GSG1L: variants seen among roughly 807,000 people sequenced by gnomAD.
GSG1L encodes the protein germ cell-specific gene 1-like protein.
GSG1L carries 24 observed loss-of-function variants against 42.1 expected under a neutral mutation model. The ratio of observed to expected loss-of-function variants is 0.57; its 90% CI spans 0.41 to 0.80. The LOEUF (loss-of-function observed/expected upper bound fraction) is 0.80. Ranked by LOEUF, GSG1L falls within the 30% of genes least tolerant of loss-of-function variation. GSG1L has a pLI of 0.00. For synonymous variants in GSG1L, 215 were observed against 203.5 expected (o/e 1.06, Z -0.48); for missense variants, 445 against 472.2 (o/e 0.94, Z 0.53).
chr16:27,933,430 T>G (rs766789373), intron 2 of GSG1L, among the ~76,000 whole-genome samples: 5 of 151,922 alleles, frequency 3.3e-5, no homozygotes, highest in Admixed American at 6.6e-5. Flanking sequence ...GGGGTTTGCT[T>G]GGGGCCAGGA....
intron 2 of GSG1L, among the ~76,000 whole-genome samples, chr16:27,923,353 C>T (rs763047325): frequency 6.6e-6 from 1 of 152,176 alleles, no homozygotes; most frequent in African/African-American, 2.4e-5. Flanking sequence ...AGCCCAAACA[C>T]CTTTTGTCAA....
At chr16:27,859,708 C>A (rs2083619819) in intron 3 of GSG1L, among the ~76,000 whole-genome samples, 1 of 152,258 alleles carries the variant, frequency 6.6e-6, no homozygotes, top group Admixed American at 6.5e-5. Context: ...TAGAGTCTCA[C>A]CCTGTCACCC....
intron 3 of GSG1L, among the ~76,000 whole-genome samples, chr16:27,850,931 G>A (rs566928679): frequency 1.4e-4 from 21 of 151,974 alleles, no homozygotes; most frequent in Non-Finnish European, 2.6e-4. Context: ...ATGAGCCACC[G>A]GGAGATAGAG....
At chr16:28,009,111 A>G (rs905925781) in intron 1 of GSG1L, among the ~76,000 whole-genome samples, 1 of 152,086 alleles carries the variant, frequency 6.6e-6, no homozygotes, top group South Asian at 2.1e-4. Flanking sequence ...GCTTGGCCAC[A>G]TCAGTACTGT....
chr16:27,806,585 G>T lies in GSG1L; in HGVS notation c.898+902C>A, dbSNP rs989712833. ...CAGGGGGATCCCACTCCAGGGTGAG[G>T]GAGCTGGGGTATCTATACACCAACT... On this transcript the variant is annotated intron_variant, in intron 6 of 6. Coordinates refer to ENST00000447459, the MANE Select transcript of GSG1L (RefSeq NM_001109763.2). 2.0e-5 allele frequency among the ~76,000 whole-genome samples: 3 copies of T among 152,310 alleles called. No homozygotes were observed. The South Asian group carries it at 6.2e-4, about 32-fold the overall frequency.
chr16:27,823,981 A>C, intron 5 of GSG1L: 1 of 702,156 alleles, frequency 1.4e-6, no homozygotes, highest in Non-Finnish European at 2.6e-6. Flanking sequence ...ACTGAGTCAC[A>C]TCTGAGGTAT....
chr16:27,791,876 A>C (rs1159877611), intron 6 of GSG1L, among the ~76,000 whole-genome samples: 3 of 151,342 alleles, frequency 2.0e-5, no homozygotes, highest in Admixed American at 6.6e-5. Context: ...TCCTCCTACC[A>C]CCCAATAACA....
intron 2 of GSG1L, among the ~76,000 whole-genome samples, chr16:27,924,184 C>CTATATACACAAATATAGACAT (rs1555508510): frequency 6.0e-5 from 9 of 151,068 alleles, no homozygotes; most frequent in Non-Finnish European, 1.2e-4. Context: ...TATATAATGT[C>CTATATACACAAATATAGACAT]TATATACACA....
intron 2 of GSG1L, among the ~76,000 whole-genome samples, chr16:27,887,043 C>A (rs756319568): frequency 2.9e-4 from 44 of 152,258 alleles, no homozygotes; most frequent in South Asian, 6.2e-4. Context: ...GCAACCTCCA[C>A]CTCCTGGATT....
intron 1 of GSG1L, among the ~76,000 whole-genome samples, chr16:28,057,428 G>C (rs891456210): frequency 5.4e-4 from 82 of 152,174 alleles, no homozygotes; most frequent in African/African-American, 1.9e-3. Flanking sequence ...GGCAGAACTG[G>C]TTGGTGGGGG....
At chr16:27,918,025 C>T (rs2084478493) in intron 2 of GSG1L, among the ~76,000 whole-genome samples, 1 of 152,182 alleles carries the variant, frequency 6.6e-6, no homozygotes, top group South Asian at 2.1e-4. Flanking sequence ...GTGAAATCAG[C>T]TTTCAGGGCC....
At chr16:28,049,181 C>T (rs1320243883) in intron 1 of GSG1L, among the ~76,000 whole-genome samples, 1 of 152,100 alleles carries the variant, frequency 6.6e-6, no homozygotes, top group Non-Finnish European at 1.5e-5. Context: ...TACACAGGAG[C>T]AGGAATGAGA....
At chr16:27,794,417 G>A (rs369433861) in intron 6 of GSG1L, among the ~76,000 whole-genome samples, 4 of 151,316 alleles carry the variant, frequency 2.6e-5, no homozygotes, top group Admixed American at 1.3e-4. Context: ...TGCCAGCTCC[G>A]CTTCCCGGGT....
intron 1 of GSG1L, among the ~76,000 whole-genome samples, chr16:27,992,327 C>G (rs1171194177): frequency 6.6e-6 from 1 of 152,126 alleles, no homozygotes; most frequent in African/African-American, 2.4e-5. Context: ...AACCTCGTCT[C>G]TACTAAAAAT....
At chr16:28,014,333 G>A (rs866012953) in intron 1 of GSG1L, among the ~76,000 whole-genome samples, 3 of 152,184 alleles carry the variant, frequency 2.0e-5, no homozygotes, top group Non-Finnish European at 2.9e-5. Flanking sequence ...GTGCAGACAC[G>A]GGAACATGCC....
chr16:27,928,042 C>T (rs1229430181), intron 2 of GSG1L, among the ~76,000 whole-genome samples: 9 of 152,180 alleles, frequency 5.9e-5, no homozygotes, highest in African/African-American at 1.7e-4. Flanking sequence ...ATCCACTAGA[C>T]GATACGTTCC....
chr16:27,989,063 A>AG (rs2085424521), intron 1 of GSG1L, among the ~76,000 whole-genome samples: 1 of 151,680 alleles, frequency 6.6e-6, no homozygotes, highest in African/African-American at 2.4e-5. Flanking sequence ...AAAAAAAAAA[A>AG]AAAAGAAAAG....
Position 27,790,426 on chromosome 16 carries a change from C to T in GSG1L, c.*944G>A, listed in dbSNP as rs557114036. The stretch of plus-strand genomic sequence containing the variant: ...CTGCCATTTGCTAGCTCTGTAATCA[C>T]AGGCAAGTTACTTCATTCATCTCTG... On this transcript the variant is annotated 3_prime_UTR_variant, in exon 7 of 7. Coordinates refer to ENST00000447459, the MANE Select transcript of GSG1L (RefSeq NM_001109763.2). The T allele has an allele frequency of 6.6e-6, 1 of 152,302 alleles. No homozygotes were observed. The highest frequency in any genetic ancestry group is 2.1e-4 in the South Asian group (1 of 4,818). The allele number at this position is 152,302 out of a possible 1,614,324, so 9.4% of individuals were successfully genotyped here. A position where few individuals can be genotyped will look rare whatever the true frequency, so the allele number is the denominator to read the frequency against.
intron 3 of GSG1L, among the ~76,000 whole-genome samples, chr16:27,883,960 T>G (rs2083994872): frequency 6.6e-6 from 1 of 152,214 alleles, no homozygotes; most frequent in African/African-American, 2.4e-5. Flanking sequence ...CAACACACTC[T>G]TGCCCTTGAG....
Sources: gnomAD v4.1 joint callset for allele counts (sites outside exome capture counted in the v4.1 genomes callset) on GRCh38, gnomAD v4.1.1 for gene constraint, MANE v1.5 for transcripts, NCBI Gene and HGNC (gene_info 2026-07-23, HGNC 2026-07-21) for gene names.